The following RPS6KC1 variants were observed in gnomAD, a reference collection of about 807,000 sequenced individuals.
RPS6KC1 encodes the protein inactive ribosomal protein S6 kinase delta-1.
In RPS6KC1, 54 loss-of-function variants were observed where a neutral mutation model predicts 103.8. The observed-to-expected ratio is 0.52, with a 90% CI of 0.42 to 0.65. The LOEUF (loss-of-function observed/expected upper bound fraction) is 0.65, where lower values mean the gene tolerates loss of function less well. RPS6KC1 is among the 30% of genes least tolerant of loss of function. RPS6KC1 has a pLI of 0.00. For synonymous variants in RPS6KC1, 439 were observed against 438.7 expected (o/e 1.00, Z -0.01); for missense variants, 1,151 against 1,253.8 (o/e 0.92, Z 1.24).
the RPS6KC1 span, among the ~76,000 whole-genome samples, chr1:213,595,363 A>G: frequency 1.3e-4 from 20 of 152,266 alleles, no homozygotes; most frequent in African/African-American, 4.6e-4. Context: ...TTCCTCTTGT[A>G]GCCTCCCAAA....
chr1:213,178,780 TCTTGGCTCACTG>T (rs969915093), intron 8 of RPS6KC1, among the ~76,000 whole-genome samples: 2 of 152,010 alleles, frequency 1.3e-5, no homozygotes, highest in Non-Finnish European at 2.9e-5. Flanking sequence ...AATGGCACAA[TCTTGGCTCACTG>T]CAGCCTCCGC....
At chr1:213,485,170 G>C in the RPS6KC1 span, among the ~76,000 whole-genome samples, 6,221 of 152,144 alleles carry the variant, frequency 0.041, 449 homozygotes, top group African/African-American at 0.14. Flanking sequence ...CTGGCCTAAG[G>C]GAATATTTTC....
the RPS6KC1 span, among the ~76,000 whole-genome samples, chr1:213,785,435 A>C: frequency 0.15 from 22,623 of 151,976 alleles, 2,190 homozygotes; most frequent in South Asian, 0.25. Flanking sequence ...ATAAAAAAAA[A>C]CCCAGAAAAT....
chr1:213,559,043 G>T, the RPS6KC1 span, among the ~76,000 whole-genome samples: 5 of 152,198 alleles, frequency 3.3e-5, no homozygotes, highest in Admixed American at 6.5e-5. Flanking sequence ...GAACAGAGAA[G>T]CACATATCTT....
chr1:213,296,455 T>C, the RPS6KC1 span, among the ~76,000 whole-genome samples: 1 of 152,214 alleles, frequency 6.6e-6, no homozygotes. Flanking sequence ...CAGAAGAGAC[T>C]TGGGGGTCTC....
intron 6 of RPS6KC1, among the ~76,000 whole-genome samples, chr1:213,160,283 A>G (rs1405428577): frequency 6.6e-6 from 1 of 152,252 alleles, no homozygotes; most frequent in East Asian, 1.9e-4. Flanking sequence ...ATAACTGTCA[A>G]ACAATAAAAA....
At chr1:213,691,084 G>A in the RPS6KC1 span, among the ~76,000 whole-genome samples, 33 of 152,224 alleles carry the variant, frequency 2.2e-4, no homozygotes, top group East Asian at 1.5e-3. Flanking sequence ...TACAAACTGA[G>A]CCTGCAAGCT....
At chr1:213,528,917 T>G in the RPS6KC1 span, among the ~76,000 whole-genome samples, 1 of 152,224 alleles carries the variant, frequency 6.6e-6, no homozygotes. Flanking sequence ...ACCTGGTGAC[T>G]TCTGAATCAG....
At chr1:213,786,798 A>G in the RPS6KC1 span, among the ~76,000 whole-genome samples, 28 of 152,288 alleles carry the variant, frequency 1.8e-4, no homozygotes, top group South Asian at 4.6e-3. Context: ...CTTCTAAAAT[A>G]TCTCCCCAAA....
chr1:213,345,814 C>A, the RPS6KC1 span, among the ~76,000 whole-genome samples: 1 of 152,196 alleles, frequency 6.6e-6, no homozygotes, highest in African/African-American at 2.4e-5. Flanking sequence ...TCCTTGGCCT[C>A]TTGCCTGCAG....
At chr1:213,451,747 T>A in the RPS6KC1 span, among the ~76,000 whole-genome samples, 1 of 152,142 alleles carries the variant, frequency 6.6e-6, no homozygotes, top group Non-Finnish European at 1.5e-5. Flanking sequence ...TTTCCTGGAG[T>A]TTCTCTCTAA....
At chr1:213,283,903 T>C in the RPS6KC1 span, among the ~76,000 whole-genome samples, 2 of 152,154 alleles carry the variant, frequency 1.3e-5, no homozygotes, top group African/African-American at 4.8e-5. Context: ...TAACTCACTT[T>C]ATTCTCATAG....
the RPS6KC1 span, among the ~76,000 whole-genome samples, chr1:213,454,592 C>T: frequency 6.6e-6 from 1 of 152,176 alleles, no homozygotes; most frequent in South Asian, 2.1e-4. Context: ...AAAAAGTATT[C>T]TGAATTTTCT....
At chr1:213,359,239 C>T in the RPS6KC1 span, among the ~76,000 whole-genome samples, 2 of 152,154 alleles carry the variant, frequency 1.3e-5, no homozygotes, top group African/African-American at 4.8e-5. Context: ...TCTGGGTGCT[C>T]CTGTACTGGG....
At position 213,232,244 on chromosome 1, in the gene RPS6KC1, A is replaced by G. The variant is rs773564191; in HGVS notation, c.1214A>G (p.Gln405Arg). Residue 405 changes from glutamine to arginine, a missense_variant, in exon 10 of 15, where the codon CAG (glutamine) becomes CGG (arginine). Gln to Arg is a conservative substitution (Grantham distance 43). Transcript: ENST00000366960. ...GAGGAGTCAGTATTTCTTGTGCTGC[A>G]GCATGCGGAAGGTTGGTTTGTAGTT... ...ISEESVFLVL[Q>R]HAEGGKLWSY... is the part of the protein sequence containing the mutation. 1 of 1,613,936 alleles carries G rather than the reference A, an allele frequency of 6.2e-7. No individual in the cohort carries two copies. The highest frequency in any genetic ancestry group is 1.1e-5 in the South Asian group (1 of 91,082).
intron 8 of RPS6KC1, among the ~76,000 whole-genome samples, chr1:213,215,224 G>A (rs1345075144): frequency 6.6e-6 from 1 of 152,212 alleles, no homozygotes; most frequent in Non-Finnish European, 1.5e-5. Context: ...AGAACTTCAT[G>A]ACGAATGCAC....
chr1:213,552,603 T>C, the RPS6KC1 span, among the ~76,000 whole-genome samples: 2 of 152,234 alleles, frequency 1.3e-5, no homozygotes, highest in Admixed American at 6.5e-5. Flanking sequence ...CTTTATTAAG[T>C]ATCTCTTTTG....
chr1:213,385,766 G>A, the RPS6KC1 span, among the ~76,000 whole-genome samples: 1 of 152,176 alleles, frequency 6.6e-6, no homozygotes, highest in Non-Finnish European at 1.5e-5. Context: ...TGAGGCCTCT[G>A]TTCCACTTCC....
chr1:213,234,547 G>A (rs2841436), intron 10 of RPS6KC1, among the ~76,000 whole-genome samples: 2,889 of 152,256 alleles, frequency 0.019, 96 homozygotes, highest in African/African-American at 0.064. Flanking sequence ...ACAGGGATGA[G>A]TATAAAAACA....
Sources: gnomAD v4.1 joint callset for allele counts (sites outside exome capture counted in the v4.1 genomes callset) on GRCh38, gnomAD v4.1.1 for gene constraint, MANE v1.5 for transcripts, NCBI Gene and HGNC (gene_info 2026-07-23, HGNC 2026-07-21) for gene names.